The following SLC9A9 variants were observed in gnomAD, a reference collection of about 807,000 sequenced individuals.
The protein encoded by SLC9A9 is sodium/hydrogen exchanger 9.
In SLC9A9, 62 loss-of-function variants were observed where a neutral mutation model predicts 77.8. The ratio of observed to expected loss-of-function variants is 0.80; its 90% CI spans 0.65 to 0.98. The LOEUF is 0.98. SLC9A9 is among the 50% of genes least tolerant of loss of function. The probability of loss-of-function intolerance (pLI) is 0.00; values close to 1 mark genes in which losing one functional copy is unlikely to be tolerated. For missense variants in SLC9A9, 775 were observed against 774.9 expected, an observed-to-expected ratio of 1.00 and a Z score of 0.00; for synonymous variants, 320 against 283.5, an observed-to-expected ratio of 1.13 and a Z score of -1.29.
At chr3:143,401,055 T>A (rs2033844480) in intron 12 of SLC9A9, among the ~76,000 whole-genome samples, 2 of 152,204 alleles carry the variant, frequency 1.3e-5, no homozygotes, top group Non-Finnish European at 1.5e-5. Context: ...CTCTACATTA[T>A]CCTGGGCTCT....
chr3:143,467,154 C>T lies in SLC9A9; in HGVS notation c.1352G>A (p.Arg451Gln), dbSNP rs767698612. 64 of 1,613,990 alleles carry T rather than the reference C, an allele frequency of 4.0e-5. No individual in the cohort carries two copies. The highest frequency in any genetic ancestry group is 8.8e-5 in the South Asian group (8 of 91,080). The change falls in exon 12 of 16, where the codon CGG (arginine) becomes CAG (glutamine). Residue 451 changes from arginine to glutamine, a missense_variant. By Grantham distance (43) the Arg-to-Gln change is conservative. Coordinates refer to ENST00000316549, the MANE Select transcript of SLC9A9 (RefSeq NM_173653.4). Reference protein sequence around the residue: ...RGAIAFALAIRNTESQPKQMM... With the variant: ...RGAIAFALAIQNTESQPKQMM... ...TTGTTTGGGCTGAGATTCTGTGTTC[C>T]GAATAGCTAAGGCAAATGCGATCGC...
Position 143,494,623 on chromosome 3 carries a change from G to A in SLC9A9, c.1203+712C>T, listed in dbSNP as rs145324376. Among the ~76,000 whole-genome samples the A allele has an allele frequency of 6.3e-3, 956 of 152,380 alleles. 7 individuals are homozygous for A. The highest frequency in any genetic ancestry group is 0.01 in the Non-Finnish European group (687 of 68,038). ...CATCTGCCCATCTTCCAAGTGGGAA[G>A]AAGGACAACAGTTGCTGACTGCCTT... On this transcript the variant is annotated intron_variant, in intron 10 of 15. Coordinates refer to ENST00000316549, the MANE Select transcript of SLC9A9 (RefSeq NM_173653.4).
At position 143,737,174 on chromosome 3, in the gene SLC9A9, C is replaced by T. The variant is rs538551993; in HGVS notation, c.534-43867G>A. ...CATGCTTTCTAGATCTCTTTCGTCA[C>T]GAAAACAACATTTTCTGCTCCAGTA... On this transcript the variant is annotated intron_variant, in intron 4 of 15. Transcript: ENST00000316549. Among the ~76,000 whole-genome samples, 166 of 152,184 alleles carry T rather than the reference C, an allele frequency of 1.1e-3. 1 individual carries two copies. The highest frequency in any genetic ancestry group is 1.6e-3 in the Non-Finnish European group (109 of 67,992).
intron 4 of SLC9A9, among the ~76,000 whole-genome samples, chr3:143,727,924 T>C (rs913210193): frequency 1.1e-4 from 16 of 152,244 alleles, no homozygotes; most frequent in Non-Finnish European, 2.1e-4. Context: ...AGACGCTATA[T>C]AGAGTAGCTA....
chr3:143,618,015 G>C (rs994845074), intron 6 of SLC9A9, among the ~76,000 whole-genome samples: 1 of 152,172 alleles, frequency 6.6e-6, no homozygotes, highest in African/African-American at 2.4e-5. Flanking sequence ...AGTCCAGAAA[G>C]GATTGAGGGA....
rs1036914624 is a variant in SLC9A9, at chr3:143,832,160, A to C, written c.237T>G (p.Thr79=). The stretch of plus-strand genomic sequence containing the variant: ...AAGTTAGTTTTACACAGTCATAGAC[A>C]GTTCCACTTTCAATATCAGTTGGTG... ...ATAPTDIESG[T]VYDCVKLTFS... The change falls in exon 2 of 16, where the codon ACT becomes ACG. Residue 79 remains threonine (T), a synonymous_variant. Transcript: ENST00000316549. The C allele has an allele frequency of 6.2e-7, 1 of 1,613,080 alleles. No homozygotes were observed. The highest frequency in any genetic ancestry group is 8.5e-7 in the Non-Finnish European group (1 of 1,179,590).
intron 9 of SLC9A9, among the ~76,000 whole-genome samples, chr3:143,507,527 A>G (rs1369644745): frequency 6.6e-6 from 1 of 152,176 alleles, no homozygotes; most frequent in African/African-American, 2.4e-5. Context: ...CATTATTAAT[A>G]TCCCTCATTA....
chr3:143,590,918 C>T (rs919300147), intron 6 of SLC9A9, among the ~76,000 whole-genome samples: 4 of 152,182 alleles, frequency 2.6e-5, no homozygotes, highest in African/African-American at 7.2e-5. Flanking sequence ...GAGCCTGCAG[C>T]GTTTCATAAA....
At chr3:143,751,369 G>A (rs937998341) in intron 4 of SLC9A9, among the ~76,000 whole-genome samples, 2 of 152,138 alleles carry the variant, frequency 1.3e-5, no homozygotes, top group African/African-American at 4.8e-5. Flanking sequence ...CCCCCACTGC[G>A]GCAAAGAGGG....
At chr3:143,304,720 C>T (rs2030699737) in intron 14 of SLC9A9, among the ~76,000 whole-genome samples, 1 of 152,172 alleles carries the variant, frequency 6.6e-6, no homozygotes, top group Admixed American at 6.5e-5. Flanking sequence ...AAAAATGTTC[C>T]CTCAGACATT....
At chr3:143,471,234 T>C (rs981479468) in intron 11 of SLC9A9, among the ~76,000 whole-genome samples, 5 of 152,216 alleles carry the variant, frequency 3.3e-5, no homozygotes, top group African/African-American at 1.2e-4. Flanking sequence ...GAAGCTAATG[T>C]AGAACTCCAG....
At chr3:143,706,275 C>T (rs752938009) in intron 4 of SLC9A9, among the ~76,000 whole-genome samples, 2 of 152,152 alleles carry the variant, frequency 1.3e-5, no homozygotes, top group African/African-American at 4.8e-5. Context: ...AGAGATCGAT[C>T]GGGGAGCGGG....
chr3:143,549,679 T>A (rs775932412), intron 9 of SLC9A9, among the ~76,000 whole-genome samples: 1 of 152,170 alleles, frequency 6.6e-6, no homozygotes, highest in South Asian at 2.1e-4. Flanking sequence ...CAGAAGGCTA[T>A]GGGCACTGAT....
chr3:143,359,882 GCTTT>G (rs2032696571), intron 14 of SLC9A9, among the ~76,000 whole-genome samples: 1 of 152,166 alleles, frequency 6.6e-6, no homozygotes, highest in Non-Finnish European at 1.5e-5. Context: ...TCATGGTGGT[GCTTT>G]CTGTGTGACC....
intron 14 of SLC9A9, among the ~76,000 whole-genome samples, chr3:143,306,060 T>TTA (rs1553741158): frequency 6.7e-6 from 1 of 149,008 alleles, no homozygotes; most frequent in African/African-American, 2.5e-5. Flanking sequence ...GGAATTTCTT[T>TTA]AAAAAAAAAA....
At chr3:143,481,716 T>C (rs942940710) in intron 11 of SLC9A9, among the ~76,000 whole-genome samples, 2 of 152,184 alleles carry the variant, frequency 1.3e-5, no homozygotes, top group African/African-American at 4.8e-5. Flanking sequence ...TTCTAAGGGA[T>C]GCCATAGCTG....
chr3:143,515,906 T>C (rs529477087), intron 9 of SLC9A9, among the ~76,000 whole-genome samples: 1 of 152,296 alleles, frequency 6.6e-6, no homozygotes, highest in South Asian at 2.1e-4. Context: ...TGATTTGAGG[T>C]GCATTTCTCT....
intron 14 of SLC9A9, among the ~76,000 whole-genome samples, chr3:143,272,971 G>A (rs1250752587): frequency 1.3e-5 from 2 of 152,206 alleles, no homozygotes; most frequent in Admixed American, 1.3e-4. Context: ...GTTAGCAAGT[G>A]CATTTTCTCC....
At chr3:143,468,753 T>C (rs2035326398) in intron 11 of SLC9A9, among the ~76,000 whole-genome samples, 1 of 152,242 alleles carries the variant, frequency 6.6e-6, no homozygotes, top group Non-Finnish European at 1.5e-5. Context: ...TTTTACAAAA[T>C]CTATAATCTA....
Sources: allele counts gnomAD v4.1 joint callset (sites outside exome capture counted in the v4.1 genomes callset), GRCh38; gene constraint gnomAD v4.1.1; transcripts MANE v1.5; gene names NCBI Gene and HGNC (gene_info 2026-07-23, HGNC 2026-07-21).